LOC400499: variants seen among roughly 807,000 people sequenced by gnomAD.
chr16:11,399,604 A>T, the LOC400499 span: 1 of 398,648 alleles, frequency 2.5e-6, no homozygotes, highest in Non-Finnish European at 4.4e-6. Flanking sequence ...CCTGGAGCTG[A>T]TAGGGAAGAG....
the LOC400499 span, chr16:11,502,221 G>A: frequency 1.7e-4 from 67 of 398,816 alleles, no homozygotes; most frequent in African/African-American, 2.3e-4. Flanking sequence ...CCAGCAGTGC[G>A]GGGGATCCCC....
chr16:11,414,394 G>A, the LOC400499 span: 1 of 399,592 alleles, frequency 2.5e-6, no homozygotes, highest in Non-Finnish European at 4.4e-6. Flanking sequence ...TGTGTGGCTG[G>A]CACTGGCCAC....
At chr16:11,460,836 G>T in the LOC400499 span, 1 of 1,304,468 alleles carries the variant, frequency 7.7e-7, no homozygotes, top group Non-Finnish European at 1.0e-6. Flanking sequence ...CCTACTCAGA[G>T]CCAACAGAAT....
chr16:11,384,798 G>C, the LOC400499 span: 28 of 1,147,366 alleles, frequency 2.4e-5, no homozygotes, highest in South Asian at 1.1e-3. Flanking sequence ...CTGCATGCAC[G>C]GTAGCCCCCT....
chr16:11,490,970 G>C, the LOC400499 span, among the ~76,000 whole-genome samples: 1 of 152,210 alleles, frequency 6.6e-6, no homozygotes, highest in African/African-American at 2.4e-5. Flanking sequence ...AATAGCAGTA[G>C]TGATAACAAC....
At chr16:11,418,133 C>A in the LOC400499 span, among the ~76,000 whole-genome samples, 1 of 152,132 alleles carries the variant, frequency 6.6e-6, no homozygotes. Flanking sequence ...TTGGGAAGAC[C>A]AAGATGTCCT....
At chr16:11,391,309 C>A in the LOC400499 span, among the ~76,000 whole-genome samples, 1 of 152,184 alleles carries the variant, frequency 6.6e-6, no homozygotes, top group African/African-American at 2.4e-5. Context: ...CACCTGGCCA[C>A]ATTGAGCTCA....
the LOC400499 span, among the ~76,000 whole-genome samples, chr16:11,379,045 C>G: frequency 6.6e-6 from 1 of 152,168 alleles, no homozygotes; most frequent in African/African-American, 2.4e-5. Context: ...GGGTGGATCA[C>G]CTGAGGTCAG....
the LOC400499 span, chr16:11,460,888 C>G: frequency 6.9e-7 from 1 of 1,441,996 alleles, no homozygotes; most frequent in South Asian, 1.4e-5. Context: ...TCTCAGCTCA[C>G]GGAGCCACAG....
chr16:11,463,518 A>G, the LOC400499 span, among the ~76,000 whole-genome samples: 1 of 152,272 alleles, frequency 6.6e-6, no homozygotes, highest in Non-Finnish European at 1.5e-5. Flanking sequence ...ATGTGTGTAT[A>G]CATGGATGTG....
the LOC400499 span, among the ~76,000 whole-genome samples, chr16:11,480,386 G>A: frequency 2.0e-5 from 3 of 152,154 alleles, no homozygotes; most frequent in South Asian, 2.1e-4. Context: ...CCCAAGCCCC[G>A]GGTTCACCCT....
At chr16:11,503,730 C>T in the LOC400499 span, among the ~76,000 whole-genome samples, 57 of 152,358 alleles carry the variant, frequency 3.7e-4, no homozygotes, top group African/African-American at 1.3e-3. Flanking sequence ...CGGCAGCCTT[C>T]CCAGAATGTG....
chr16:11,449,171 C>T, the LOC400499 span: 3 of 1,290,672 alleles, frequency 2.3e-6, no homozygotes, highest in African/African-American at 2.9e-5. Context: ...CCTGGGATAC[C>T]CTTTCATCTC....
At chr16:11,411,255 G>T in the LOC400499 span, 1 of 399,338 alleles carries the variant, frequency 2.5e-6, no homozygotes, top group Non-Finnish European at 4.4e-6. Flanking sequence ...CCTTAGCTGA[G>T]GCTGAGGCTG....
At chr16:11,489,774 T>C in the LOC400499 span, among the ~76,000 whole-genome samples, 1 of 152,204 alleles carries the variant, frequency 6.6e-6, no homozygotes, top group African/African-American at 2.4e-5. Context: ...CAGAGAGGTG[T>C]ATCTTCCAAT....
chr16:11,412,880 G>A, the LOC400499 span: 143 of 399,112 alleles, frequency 3.6e-4, 1 homozygote, highest in Non-Finnish European at 2.0e-4. Flanking sequence ...AAGGACCAAG[G>A]TGGCCTGAGA....
chr16:11,421,025 A>G, the LOC400499 span, among the ~76,000 whole-genome samples: 1 of 152,084 alleles, frequency 6.6e-6, no homozygotes, highest in Non-Finnish European at 1.5e-5. Context: ...CCTCTGCCAA[A>G]CTGTCCCCAT....
At chr16:11,515,119 A>G in the LOC400499 span, among the ~76,000 whole-genome samples, 1 of 152,146 alleles carries the variant, frequency 6.6e-6, no homozygotes, top group Non-Finnish European at 1.5e-5. Flanking sequence ...CAGCCTGGGC[A>G]ACATAGCAAG....
chr16:11,502,087 G>A, the LOC400499 span: 7 of 398,940 alleles, frequency 1.8e-5, no homozygotes, highest in East Asian at 3.6e-5. Context: ...CCATTGTCTC[G>A]GCATTTGAAG....
Sources: gnomAD v4.1 joint callset for allele counts (sites outside exome capture counted in the v4.1 genomes callset) on GRCh38, gnomAD v4.1.1 for gene constraint, MANE v1.5 for transcripts.